The following ASCC3 variants were observed in gnomAD, a reference collection of about 807,000 sequenced individuals.
The protein encoded by ASCC3 is ASC-1 complex subunit P200.
A neutral mutation model predicts 256.3 loss-of-function variants in ASCC3; 158 were observed. That is an observed-to-expected ratio of 0.62 (90% CI 0.54 to 0.70). The LOEUF (loss-of-function observed/expected upper bound fraction) is 0.70. Ranked by LOEUF, ASCC3 falls within the 30% of genes least tolerant of loss-of-function variation. The pLI, the probability that ASCC3 is intolerant of heterozygous loss-of-function variation, is 0.00. For synonymous variants in ASCC3, 948 were observed against 883.4 expected (o/e 1.07, Z -1.30); for missense variants, 2,259 against 2,626.0 (o/e 0.86, Z 3.05).
chr6:100,843,326 G>T (rs116169891), intron 4 of ASCC3, among the ~76,000 whole-genome samples: 1 of 152,232 alleles, frequency 6.6e-6, no homozygotes, highest in African/African-American at 2.4e-5. Flanking sequence ...TGGAGGTTCA[G>T]AAATGAACTT....
chr6:100,606,324 T>C (rs1374079909), intron 32 of ASCC3, among the ~76,000 whole-genome samples: 1 of 152,098 alleles, frequency 6.6e-6, no homozygotes, highest in Admixed American at 6.6e-5. Context: ...ATGCATAAGT[T>C]GTAGCAATAA....
chr6:100,674,053 T>G (rs1776888607), intron 14 of ASCC3, among the ~76,000 whole-genome samples: 1 of 152,162 alleles, frequency 6.6e-6, no homozygotes, highest in Admixed American at 6.6e-5. Flanking sequence ...TATATTAACT[T>G]TTTCTTTTAA....
chr6:100,847,172 A>G (rs1284822675), intron 4 of ASCC3, among the ~76,000 whole-genome samples: 1 of 152,172 alleles, frequency 6.6e-6, no homozygotes, highest in African/African-American at 2.4e-5. Context: ...TAAAATATCC[A>G]TTAATTAGAT....
chr6:100,687,032 T>TCACACACACACACACACACA (rs1305315395), intron 13 of ASCC3, among the ~76,000 whole-genome samples: 2 of 132,090 alleles, frequency 1.5e-5, no homozygotes, highest in Admixed American at 7.9e-5. Context: ...TCTCTCTCTC[T>TCACACACACACACACACACA]CTCACACACA....
chr6:100,662,790 A>C (rs566100879), intron 14 of ASCC3, among the ~76,000 whole-genome samples: 1 of 152,200 alleles, frequency 6.6e-6, no homozygotes, highest in East Asian at 1.9e-4. Flanking sequence ...TCTTTCATCC[A>C]GATGTCCCTT....
chr6:100,616,103 G>C (rs759834594), intron 30 of ASCC3, among the ~76,000 whole-genome samples: 1 of 152,088 alleles, frequency 6.6e-6, no homozygotes, highest in Non-Finnish European at 1.5e-5. Flanking sequence ...CCTACAAGAA[G>C]AGGCCAATAT....
At chr6:100,548,907 T>G (rs962723507) in intron 36 of ASCC3, among the ~76,000 whole-genome samples, 20 of 151,948 alleles carry the variant, frequency 1.3e-4, no homozygotes, top group Non-Finnish European at 2.8e-4. Flanking sequence ...TATGTATACA[T>G]ACATATCTAT....
chr6:100,634,864 C>CAAAAAAAA (rs199632200), intron 25 of ASCC3, among the ~76,000 whole-genome samples: 78 of 119,196 alleles, frequency 6.5e-4, no homozygotes, highest in East Asian at 1.3e-3. Context: ...CCTCAAAAAA[C>CAAAAAAAA]AAAAAAAAAA....
intron 8 of ASCC3, among the ~76,000 whole-genome samples, chr6:100,795,817 CT>C (rs1769584196): frequency 6.6e-6 from 1 of 152,004 alleles, no homozygotes; most frequent in African/African-American, 2.4e-5. Flanking sequence ...AACGACAGAC[CT>C]TCATCTTCAA....
chr6:100,791,181 C>G (rs1769334101), intron 8 of ASCC3, among the ~76,000 whole-genome samples: 2 of 151,694 alleles, frequency 1.3e-5, no homozygotes, highest in Admixed American at 6.6e-5. Flanking sequence ...ATAGCCCAAA[C>G]AGAAAATAAT....
chr6:100,721,099 C>G (rs1779307520), intron 11 of ASCC3, among the ~76,000 whole-genome samples: 2 of 151,362 alleles, frequency 1.3e-5, no homozygotes, highest in Admixed American at 6.6e-5. Context: ...TTTGTACATA[C>G]ATACAGAAAG....
At chr6:100,792,562 A>C (rs1171688289) in intron 8 of ASCC3, among the ~76,000 whole-genome samples, 5 of 151,918 alleles carry the variant, frequency 3.3e-5, no homozygotes, top group Non-Finnish European at 5.9e-5. Flanking sequence ...ATGGTCAATT[A>C]ATTATTGCTA....
chr6:100,741,962 G>A (rs545161309), intron 10 of ASCC3, among the ~76,000 whole-genome samples: 57 of 152,200 alleles, frequency 3.7e-4, no homozygotes, highest in African/African-American at 1.2e-3. Context: ...TTGAGTTTTC[G>A]GCATTTTTGT....
At chr6:100,817,790 C>T (rs1379740357) in intron 4 of ASCC3, among the ~76,000 whole-genome samples, 1 of 151,954 alleles carries the variant, frequency 6.6e-6, no homozygotes, top group Non-Finnish European at 1.5e-5. Context: ...AAGAAACGAC[C>T]CACAAAGGCC....
At chr6:100,820,212 GT>G (rs1267030593) in intron 4 of ASCC3, among the ~76,000 whole-genome samples, 2 of 152,162 alleles carry the variant, frequency 1.3e-5, no homozygotes, top group African/African-American at 2.4e-5. Context: ...AGAGAACAAA[GT>G]TTAAGACTCA....
At chr6:100,590,771 C>T (rs1257478829) in intron 34 of ASCC3, among the ~76,000 whole-genome samples, 3 of 152,070 alleles carry the variant, frequency 2.0e-5, no homozygotes, top group African/African-American at 4.8e-5. Context: ...AAAGCCACAA[C>T]TTGAGAGCAA....
At chr6:100,631,073 C>A in intron 26 of ASCC3, 55 bp downstream of exon 26, 3 of 1,279,670 alleles carry the variant, frequency 2.3e-6, no homozygotes, top group Non-Finnish European at 3.4e-6. Flanking sequence ...ACTCTTATTT[C>A]CTGGTCCTTT....
chr6:100,664,784 A>T (rs1169825305), intron 14 of ASCC3, among the ~76,000 whole-genome samples: 1 of 152,220 alleles, frequency 6.6e-6, no homozygotes, highest in Non-Finnish European at 1.5e-5. Flanking sequence ...TTCAGAGGCT[A>T]AAGGTAGGGA....
intron 16 of ASCC3, among the ~76,000 whole-genome samples, chr6:100,661,229 C>T (rs1397186650): frequency 1.3e-5 from 2 of 151,000 alleles, no homozygotes; most frequent in African/African-American, 4.9e-5. Flanking sequence ...ATGTTCTATA[C>T]ATATACTCTA....
Sources: allele counts gnomAD v4.1 joint callset (sites outside exome capture counted in the v4.1 genomes callset), GRCh38; gene constraint gnomAD v4.1.1; transcripts MANE v1.5; gene names NCBI Gene and HGNC (gene_info 2026-07-23, HGNC 2026-07-21).